CLEC1A: variants seen among roughly 807,000 people sequenced by gnomAD.
The protein encoded by CLEC1A is C-type lectin-like receptor-1.
In CLEC1A, 34 loss-of-function variants were observed where a neutral mutation model predicts 28.7. That is an observed-to-expected ratio of 1.18 (90% CI 0.90 to 1.57). The LOEUF is 1.57. Among genes scored for constraint, CLEC1A ranks in the 40% most tolerant of loss-of-function variants. CLEC1A has a pLI of 0.00. For synonymous variants in CLEC1A, 116 were observed against 121.0 expected, an observed-to-expected ratio of 0.96 and a Z score of 0.27; for missense variants, 385 against 339.5, an observed-to-expected ratio of 1.13 and a Z score of -1.05.
Position 10,075,555 on chromosome 12 carries a change from G to A in CLEC1A, c.492C>T (p.Phe164=). The A allele has an allele frequency of 1.2e-6, 2 of 1,614,018 alleles. No homozygotes were observed. The highest frequency in any genetic ancestry group is 1.7e-6 in the Non-Finnish European group (2 of 1,179,934). Residue 164 remains phenylalanine, a synonymous_variant, in exon 4 of 6, where the codon TTC becomes TTT. Transcript: ENST00000315330. ...GCATGGTAGAGTTTTCACTAAGGCA[G>A]AAATATTTACAGTCCTCCCAACTTT... is the stretch of plus-strand genomic sequence containing the variant. The part of the protein sequence containing the change: ...DSKSWEDCKY[F]CLSENSTMLK...
chr12:10,074,139 C>T (rs1289512456), intron 4 of CLEC1A, among the ~76,000 whole-genome samples: 2 of 152,126 alleles, frequency 1.3e-5, no homozygotes, highest in African/African-American at 4.8e-5. Context: ...ACTGCAGCCT[C>T]AACCTCCCCA....
intron 1 of CLEC1A, among the ~76,000 whole-genome samples, chr12:10,094,941 A>C (rs1947756780): frequency 1.3e-5 from 2 of 151,956 alleles, no homozygotes; most frequent in Admixed American, 1.3e-4. Flanking sequence ...TCCTCTGGGA[A>C]CTCGCAAAAC....
intron 1 of CLEC1A, among the ~76,000 whole-genome samples, chr12:10,097,942 G>C (rs1947800478): frequency 7.0e-6 from 1 of 142,140 alleles, no homozygotes; most frequent in South Asian, 2.2e-4. Flanking sequence ...ATATTAGTAG[G>C]TTTCAGGTGG....
intron 1 of CLEC1A, among the ~76,000 whole-genome samples, chr12:10,096,150 G>A (rs1377887743): frequency 1.3e-5 from 2 of 151,868 alleles, no homozygotes; most frequent in Non-Finnish European, 2.9e-5. Flanking sequence ...CTGCATATAC[G>A]GGTGTCTTTG....
chr12:10,074,570 A>T (rs999880929), intron 4 of CLEC1A, among the ~76,000 whole-genome samples: 3 of 152,244 alleles, frequency 2.0e-5, no homozygotes, highest in African/African-American at 7.2e-5. Context: ...TTTGCAGTGT[A>T]TGCTGGAGGC....
chr12:10,096,521 G>C (rs190475100), intron 1 of CLEC1A, among the ~76,000 whole-genome samples: 7 of 152,166 alleles, frequency 4.6e-5, no homozygotes, highest in Admixed American at 3.9e-4. Flanking sequence ...TTGCAGCCAG[G>C]AAGGTCTTTC....
chr12:10,094,450 G>A (rs1947750770), intron 1 of CLEC1A, among the ~76,000 whole-genome samples: 1 of 151,914 alleles, frequency 6.6e-6, no homozygotes, highest in Non-Finnish European at 1.5e-5. Flanking sequence ...TGATTGGATG[G>A]AGAGTATTGA....
chr12:10,087,153 C>T (rs1299276314), intron 2 of CLEC1A, among the ~76,000 whole-genome samples: 6 of 130,908 alleles, frequency 4.6e-5, no homozygotes, highest in African/African-American at 5.8e-5. Flanking sequence ...TGCAGTGAGC[C>T]GAGATCATGC....
chr12:10,075,511 T>C lies in CLEC1A; in HGVS notation c.536A>G (p.Glu179Gly). The C allele has an allele frequency of 1.2e-6, 2 of 1,613,784 alleles. No individual in the cohort carries two copies. The highest frequency in any genetic ancestry group is 1.7e-6 in the Non-Finnish European group (2 of 1,179,836). ...NSTMLKINKQ[E>G]DLEFAASQSY... Reference sequence around the variant, plus strand: ...AAAGCCTCAGAATCTTACCAGGTCTTCTTGTTTGTTTATCTTCAGCATGGT... The same window carrying C: ...AAAGCCTCAGAATCTTACCAGGTCTCCTTGTTTGTTTATCTTCAGCATGGT... The change falls in exon 4 of 6, where the codon GAA becomes GGA. Residue 179 changes from glutamate to glycine, a missense_variant. Coordinates refer to ENST00000315330, the MANE Select transcript of CLEC1A (RefSeq NM_016511.4).
chr12:10,081,332 T>A lies in CLEC1A; in HGVS notation c.296A>T (p.Glu99Val), dbSNP rs1866364955. Reference protein sequence around the residue: ...MEERLGNTSQELQSLQVQNIK... With the variant: ...MEERLGNTSQVLQSLQVQNIK... ...ATTCTGGACTTGAAGAGATTGCAAC[T>A]CTTGGGACGTATTTCCTAATCTTTC... The change falls in exon 3 of 6, where the codon GAG becomes GTG. Residue 99 changes from glutamate to valine, a missense_variant. Physicochemically the swap from Glu to Val is moderately radical, Grantham distance 121 (BLOSUM62 -2). Transcript: ENST00000315330. 1.9e-6 allele frequency: 3 copies of A among 1,613,458 alleles called. No individual in the cohort carries two copies. The East Asian group carries it at 6.7e-5, about 36-fold the overall frequency.
At chr12:10,087,130 G>A (rs1035841354) in intron 2 of CLEC1A, among the ~76,000 whole-genome samples, 12 of 146,742 alleles carry the variant, frequency 8.2e-5, no homozygotes, top group African/African-American at 1.8e-4. Flanking sequence ...CCTTGAACCC[G>A]GGAGGCGAAG....
In CLEC1A at chr12:10,097,915, T is replaced by TAAAAAAAAAAAAAAAAAAAA. The variant is rs11453815; in HGVS notation, c.115+892_115+893insTTTTTTTTTTTTTTTTTTTT. 1.7e-5 allele frequency among the ~76,000 whole-genome samples: 2 copies of TAAAAAAAAAAAAAAAAAAAA among 117,878 alleles called. 1 individual carries two copies. Among genetic ancestry groups the TAAAAAAAAAAAAAAAAAAAA allele is most frequent in the African/African-American group, 6.3e-5 (2 of 31,648 alleles). The allele number at this position is 117,878 out of a possible 152,430, so 77.3% of individuals were successfully genotyped here. A position where few individuals can be genotyped will look rare whatever the true frequency, so the allele number is the denominator to read the frequency against. ...TTAACAGCTTACTGGGTAGTTTAGT[T>TAAAAAAAAAAAAAAAAAAAA]AAAAAAAAAAAAAGCCATATTAGTA... On this transcript the variant is annotated intron_variant, in intron 1 of 5. Coordinates refer to ENST00000315330, the MANE Select transcript of CLEC1A (RefSeq NM_016511.4).
chr12:10,092,414 G>A, intron 1 of CLEC1A: 2 of 384,652 alleles, frequency 5.2e-6, no homozygotes, highest in Non-Finnish European at 1.0e-5. Flanking sequence ...AGCCATGGTG[G>A]CACACACCTG....
At chr12:10,098,734 T>G (rs764761017) in intron 1 of CLEC1A, 74 bp downstream of exon 1, 75 of 904,912 alleles carry the variant, frequency 8.3e-5, no homozygotes, top group Non-Finnish European at 1.1e-4. Flanking sequence ...AATATCTCCA[T>G]TTCTAGGAGG....
rs1443402179 is a variant in CLEC1A, at chr12:10,073,325, C to T, written c.630G>A (p.Leu210=). Residue 210 remains leucine, a synonymous_variant, in exon 5 of 6, where the codon CTG becomes CTA. Coordinates refer to ENST00000315330, the MANE Select transcript of CLEC1A (RefSeq NM_016511.4). The stretch of plus-strand genomic sequence containing the variant: ...AAGTGAAAGGGGTTCCATCCATCCA[C>T]AGCCAGGCCTTGCCACTGTCAGGGC... ...LLRPDSGKAW[L]WMDGTPFTSE... The T allele has an allele frequency of 3.7e-6, 6 of 1,613,892 alleles. No homozygotes were observed. Among genetic ancestry groups the T allele is most frequent in the Middle Eastern group, 1.7e-4 (1 of 6,060 alleles).
intron 1 of CLEC1A, 152 bp from the exon 2 acceptor site, chr12:10,089,374 G>T: frequency 1.6e-6 from 1 of 638,948 alleles, no homozygotes; most frequent in Non-Finnish European, 2.8e-6. Flanking sequence ...TCTGTCCTCA[G>T]AAACATCATC....
At chr12:10,098,013 A>T (rs1565610759) in intron 1 of CLEC1A, among the ~76,000 whole-genome samples, 1 of 151,870 alleles carries the variant, frequency 6.6e-6, no homozygotes. Flanking sequence ...AGGAGAAAGG[A>T]AGGAAAACTA....
chr12:10,097,258 C>T (rs777956264), intron 1 of CLEC1A, among the ~76,000 whole-genome samples: 3 of 152,060 alleles, frequency 2.0e-5, no homozygotes, highest in African/African-American at 7.2e-5. Flanking sequence ...TTTATTAATT[C>T]TAAAAAATAA....
chr12:10,086,346 AG>A (rs2137356914), intron 2 of CLEC1A, among the ~76,000 whole-genome samples: 1 of 151,870 alleles, frequency 6.6e-6, no homozygotes, highest in South Asian at 2.1e-4. Context: ...AGATCAGAGA[AG>A]AACTAAATGA....
Sources: gnomAD v4.1 joint callset for allele counts (sites outside exome capture counted in the v4.1 genomes callset) on GRCh38, gnomAD v4.1.1 for gene constraint, MANE v1.5 for transcripts, NCBI Gene and HGNC (gene_info 2026-07-23, HGNC 2026-07-21) for gene names.